Variants in RC3H1 observed in about 807,000 individuals in gnomAD.
RC3H1 encodes roquin-1.
In RC3H1, 50 loss-of-function variants were observed where a neutral mutation model predicts 138.2. The observed-to-expected ratio is 0.36, with a 90% CI of 0.29 to 0.46. The LOEUF is 0.46. RC3H1 is among the 20% of genes least tolerant of loss of function. RC3H1 has a pLI of 1.00. For synonymous variants in RC3H1, 462 were observed against 489.1 expected, an observed-to-expected ratio of 0.94 and a Z score of 0.73; for missense variants, 1,031 against 1,388.1, an observed-to-expected ratio of 0.74 and a Z score of 4.09.
chr1:173,950,563 T>C (rs1025073065), intron 14 of RC3H1, among the ~76,000 whole-genome samples: 1 of 150,088 alleles, frequency 6.7e-6, no homozygotes, highest in East Asian at 2.0e-4. Flanking sequence ...TACTCCAGCA[T>C]GAGGGAGATC....
In RC3H1 at chr1:173,935,209, C is replaced by A. The variant is rs1658531429; in HGVS notation, c.*3512G>T. On this transcript the variant is annotated 3_prime_UTR_variant, in exon 20 of 20. Coordinates refer to ENST00000367696, the MANE Select transcript of RC3H1 (RefSeq NM_172071.4). ...TACGTTATCTAAGACAGGACAGTTA[C>A]TGGACTTATCTTATGACAAAATTAT... 1 of 152,098 alleles carries A rather than the reference C, an allele frequency of 6.6e-6. No individual in the cohort carries two copies. The highest frequency in any genetic ancestry group is 1.5e-5 in the Non-Finnish European group (1 of 68,016). The allele number at this position is 152,098 out of a possible 1,614,324, so 9.4% of individuals were successfully genotyped here.
At position 173,964,981 on chromosome 1, in the gene RC3H1, CAGG is replaced by C. The variant is rs1660045974; in HGVS notation, c.1471_1473del (p.Pro491del). 2 of 1,614,066 alleles carry C rather than the reference CAGG, an allele frequency of 1.2e-6. No individual in the cohort carries two copies. Among genetic ancestry groups the C allele is most frequent in the Non-Finnish European group, 1.7e-6 (2 of 1,180,030 alleles). ...GTTGATACAATTCCATTTGGCAGAGCAGGAGGTTTTCTGCTAGGGAGATCCACT... is the reference window on the plus strand; with the variant it reads ...GTTGATACAATTCCATTTGGCAGAGCAGGTTTTCTGCTAGGGAGATCCACT... On this transcript the variant is annotated inframe_deletion, in exon 10 of 20. Coordinates refer to ENST00000367696, the MANE Select transcript of RC3H1 (RefSeq NM_172071.4).
At chr1:174,003,897 G>C (rs1429065639) in intron 1 of RC3H1, among the ~76,000 whole-genome samples, 2 of 151,844 alleles carry the variant, frequency 1.3e-5, no homozygotes, top group East Asian at 3.9e-4. Flanking sequence ...TCCTGACCTT[G>C]TGATCCGCCC....
intron 2 of RC3H1, 151 bp from the exon 3 acceptor site, chr1:173,984,770 G>A: frequency 1.3e-6 from 1 of 772,786 alleles, no homozygotes; most frequent in Non-Finnish European, 2.0e-6. Context: ...CTATTAACAT[G>A]TATCTTTGCA....
chr1:173,969,135 G>C (rs115976177), intron 9 of RC3H1, among the ~76,000 whole-genome samples: 1 of 151,734 alleles, frequency 6.6e-6, no homozygotes, highest in Admixed American at 6.6e-5. Flanking sequence ...GGGAGCCACC[G>C]GCGCCTGGCT....
chr1:174,007,779 G>A (rs1162147425), intron 1 of RC3H1, among the ~76,000 whole-genome samples: 1 of 152,140 alleles, frequency 6.6e-6, no homozygotes, highest in East Asian at 1.9e-4. Flanking sequence ...ATTTTTGTTA[G>A]ATTTTTTTTC....
intron 1 of RC3H1, among the ~76,000 whole-genome samples, chr1:173,997,212 G>A (rs775597103): frequency 5.3e-5 from 8 of 152,070 alleles, no homozygotes; most frequent in Non-Finnish European, 7.3e-5. Flanking sequence ...GCAACGGAGC[G>A]AGACCTGTCT....
At chr1:173,943,040 C>A (rs747731111) in intron 18 of RC3H1, among the ~76,000 whole-genome samples, 2 of 152,060 alleles carry the variant, frequency 1.3e-5, no homozygotes, top group African/African-American at 2.4e-5. Flanking sequence ...AAAAATAGGT[C>A]ATCATTATAA....
chr1:173,988,874 C>A (rs1661144796), intron 2 of RC3H1, among the ~76,000 whole-genome samples: 1 of 152,120 alleles, frequency 6.6e-6, no homozygotes, highest in Non-Finnish European at 1.5e-5. Flanking sequence ...AGCTCTTTGT[C>A]CATTTTAAAA....
At chr1:174,007,775 G>A (rs1299588861) in intron 1 of RC3H1, among the ~76,000 whole-genome samples, 1 of 152,082 alleles carries the variant, frequency 6.6e-6, no homozygotes, top group Non-Finnish European at 1.5e-5. Context: ...CATTATTTTT[G>A]TTAGATTTTT....
Position 173,992,913 on chromosome 1 carries a change from T to G in RC3H1, c.73A>C (p.Ile25Leu). 1 of 1,614,092 alleles carries G rather than the reference T, an allele frequency of 6.2e-7. No homozygotes were observed. Among genetic ancestry groups the G allele is most frequent in the Non-Finnish European group, 8.5e-7 (1 of 1,180,016 alleles). The change falls in exon 2 of 20, where the codon ATT (isoleucine) becomes CTT (leucine). Residue 25 changes from isoleucine to leucine, a missense_variant. Physicochemically the swap from Ile to Leu is conservative, Grantham distance 5. Transcript: ENST00000367696. ...PICTQTFDET[I>L]RKPISLGCGH... ...CAACCCAAACTGATGGGCTTTCGAA[T>G]TGTTTCGTCGAAAGTCTGAGTGCAA...
intron 6 of RC3H1, among the ~76,000 whole-genome samples, chr1:173,980,281 G>C (rs1043671766): frequency 5.9e-5 from 9 of 151,450 alleles, no homozygotes; most frequent in African/African-American, 1.9e-4. Context: ...AAAAAGGTGG[G>C]GGGGAATAGT....
Position 173,946,745 on chromosome 1 carries a change from CCTCT to C in RC3H1, c.2825_2828del (p.Glu942GlyfsTer26), listed in dbSNP as rs1392042066. 1 of 1,612,344 alleles carries C rather than the reference CCTCT, an allele frequency of 6.2e-7. No individual in the cohort carries two copies. Among genetic ancestry groups the C allele is most frequent in the African/African-American group, 1.3e-5 (1 of 74,908 alleles). On this transcript the variant is annotated frameshift_variant and splice_region_variant, in exon 16 of 20. Coordinates refer to ENST00000367696, the MANE Select transcript of RC3H1 (RefSeq NM_172071.4). LOFTEE classifies it high-confidence loss of function. ...GTTCAAGTAAAAAGAATGACTCATACCTCTCACTGAAGTGTCCCTGAGAAGGTAT... is the reference window on the plus strand; with the variant it reads ...GTTCAAGTAAAAAGAATGACTCATACCACTGAAGTGTCCCTGAGAAGGTAT...
chr1:173,970,415 G>T, intron 9 of RC3H1, 90 bp downstream of exon 9: 1 of 830,358 alleles, frequency 1.2e-6, no homozygotes, highest in Non-Finnish European at 2.0e-6. Flanking sequence ...ATTCATTTAA[G>T]ATAAAGCAGC....
In RC3H1 at chr1:173,935,781, T is replaced by C. The variant is rs1658556720; in HGVS notation, c.*2940A>G. The C allele has an allele frequency of 6.6e-6, 1 of 152,174 alleles. No individual in the cohort carries two copies. The highest frequency in any genetic ancestry group is 6.5e-5 in the Admixed American group (1 of 15,270). The allele number at this position is 152,174 out of a possible 1,614,324, so 9.4% of individuals were successfully genotyped here. The stretch of plus-strand genomic sequence containing the variant: ...AATTCCTAAAACCGCTGATGAGCAC[T>C]AGGAAAGCTGCAAGAATTTCCATTA... On this transcript the variant is annotated 3_prime_UTR_variant, in exon 20 of 20. Transcript: ENST00000367696.
intron 13 of RC3H1, among the ~76,000 whole-genome samples, chr1:173,953,911 T>A (rs940379979): frequency 5.9e-5 from 9 of 152,022 alleles, no homozygotes; most frequent in Non-Finnish European, 1.3e-4. Context: ...TGTTGGTGCA[T>A]GACTGTAGTC....
intron 10 of RC3H1, 79 bp downstream of exon 10, chr1:173,964,760 T>C: frequency 1.6e-6 from 2 of 1,248,160 alleles, no homozygotes; most frequent in Non-Finnish European, 2.2e-6. Flanking sequence ...TTTTTTTAAA[T>C]CCCAAACATT....
At position 173,993,082 on chromosome 1, in the gene RC3H1, T is replaced by A. The variant is rs1195340053; in HGVS notation, c.-97A>T. 2 of 886,916 alleles carry A rather than the reference T, an allele frequency of 2.3e-6. No individual in the cohort carries two copies. The highest frequency in any genetic ancestry group is 3.4e-5 in the South Asian group (2 of 59,218). The allele number at this position is 886,916 out of a possible 1,614,324, so 54.9% of individuals were successfully genotyped here. A position where few individuals can be genotyped will look rare whatever the true frequency, so the allele number is the denominator to read the frequency against. On this transcript the variant is annotated 5_prime_UTR_variant, in exon 2 of 20. Transcript: ENST00000367696. ...AATCTTTGAAAAAAAGTTTATCTTT[T>A]TTTTTTTTAAATATCTTCTGTAGAT...
intron 1 of RC3H1, among the ~76,000 whole-genome samples, chr1:174,014,513 C>T (rs1557954173): frequency 1.3e-5 from 2 of 152,166 alleles, no homozygotes; most frequent in African/African-American, 2.4e-5. Context: ...CTGACTACCA[C>T]TCCCAAAAGT....
Sources: gnomAD v4.1 joint callset for allele counts (sites outside exome capture counted in the v4.1 genomes callset) on GRCh38, gnomAD v4.1.1 for gene constraint, MANE v1.5 for transcripts, NCBI Gene and HGNC (gene_info 2026-07-23, HGNC 2026-07-21) for gene names.